The following FAM178B variants were observed in gnomAD, a reference collection of about 807,000 sequenced individuals.
FAM178B encodes the protein protein FAM178B.
Under a neutral mutation model 91.7 loss-of-function variants are expected in FAM178B, and 82 were observed. The observed-to-expected ratio is 0.89, with a 90% CI of 0.75 to 1.07. The LOEUF is 1.07. Ranked by LOEUF, FAM178B falls within the 50% of genes least tolerant of loss-of-function variation. The pLI is 0.00. For missense variants in FAM178B, 769 were observed against 846.7 expected (o/e 0.91, Z 1.14); for synonymous variants, 368 against 359.4 (o/e 1.02, Z -0.27).
At chr2:96,905,834 A>G (rs868845152) in intron 12 of FAM178B, among the ~76,000 whole-genome samples, 318 of 22,920 alleles carry the variant, frequency 0.014, 6 homozygotes, top group African/African-American at 0.021. Flanking sequence ...ATATATATAT[A>G]TATATATATA....
At chr2:96,947,720 A>G (rs1574288252) in intron 8 of FAM178B, 98 bp downstream of exon 8, 4 of 688,770 alleles carry the variant, frequency 5.8e-6, no homozygotes, top group South Asian at 1.7e-5. Flanking sequence ...ATGTCCCACC[A>G]GCATCTCGCC....
At chr2:96,984,130 C>T (rs2082395854) in intron 1 of FAM178B, among the ~76,000 whole-genome samples, 1 of 151,996 alleles carries the variant, frequency 6.6e-6, no homozygotes, top group Admixed American at 6.6e-5. Flanking sequence ...CCACCACACC[C>T]AGCTAATTTT....
At chr2:96,950,755 G>A (rs917643038) in intron 7 of FAM178B, among the ~76,000 whole-genome samples, 3 of 152,182 alleles carry the variant, frequency 2.0e-5, no homozygotes, top group Non-Finnish European at 2.9e-5. Flanking sequence ...ATGGCAAAAC[G>A]CTCTAGCAGC....
intron 13 of FAM178B, 139 bp downstream of exon 13, chr2:96,902,481 G>T: frequency 1.6e-6 from 1 of 639,700 alleles, no homozygotes; most frequent in Non-Finnish European, 2.9e-6. Context: ...GCATGCAAGC[G>T]GTAATTCTTG....
intron 6 of FAM178B, 127 bp from the exon 7 acceptor site, chr2:96,951,611 C>A: frequency 2.8e-6 from 2 of 711,012 alleles, no homozygotes; most frequent in South Asian, 1.6e-5. Context: ...ACGCTAGAGA[C>A]AAATGTGCTT....
At chr2:96,917,116 G>A (rs1168640557) in intron 12 of FAM178B, among the ~76,000 whole-genome samples, 1 of 152,176 alleles carries the variant, frequency 6.6e-6, no homozygotes, top group Non-Finnish European at 1.5e-5. Flanking sequence ...ACGTGCACAC[G>A]CAGACAGAGG....
intron 3 of FAM178B, among the ~76,000 whole-genome samples, 198 bp downstream of exon 3, chr2:96,971,703 G>A (rs533630804): frequency 1.3e-5 from 2 of 152,364 alleles, no homozygotes; most frequent in African/African-American, 2.4e-5. Context: ...GGAGACACAG[G>A]GCGAGGTGCA....
At chr2:96,971,396 C>G (rs1282943049) in intron 3 of FAM178B, among the ~76,000 whole-genome samples, 5 of 151,908 alleles carry the variant, frequency 3.3e-5, no homozygotes, top group African/African-American at 1.2e-4. Flanking sequence ...AGCTGAAACC[C>G]ATTCTTAGAA....
intron 7 of FAM178B, chr2:96,950,082 G>A (rs2081899094): frequency 1.0e-6 from 1 of 985,562 alleles, no homozygotes; most frequent in Non-Finnish European, 1.2e-6. Flanking sequence ...GTGCCTCCCA[G>A]GATGGGGGTC....
At chr2:96,910,413 A>G (rs2081132133) in intron 12 of FAM178B, among the ~76,000 whole-genome samples, 1 of 152,186 alleles carries the variant, frequency 6.6e-6, no homozygotes, top group African/African-American at 2.4e-5. Flanking sequence ...TCGACGACCA[A>G]TATTTGATTC....
At chr2:96,958,697 T>TAAAAAAAAAAAAAAAAAAAAAAAAAA (rs55924441) in intron 6 of FAM178B, among the ~76,000 whole-genome samples, 1 of 55,500 alleles carries the variant, frequency 1.8e-5, no homozygotes, top group Non-Finnish European at 3.0e-5. Context: ...CTCAAAATAC[T>TAAAAAAAAAAAAAAAAAAAAAAAAAA]AAAAAAAAAA....
At chr2:96,950,026 T>A in intron 7 of FAM178B, 1 of 985,766 alleles carries the variant, frequency 1.0e-6, no homozygotes, top group Non-Finnish European at 1.2e-6. Context: ...TCCAGCCCCC[T>A]CGCAGCATGA....
chr2:96,913,784 G>C (rs1259553625), intron 12 of FAM178B, among the ~76,000 whole-genome samples: 2 of 152,186 alleles, frequency 1.3e-5, no homozygotes, highest in African/African-American at 4.8e-5. Flanking sequence ...GAGCAGCAGG[G>C]TCCCTGGCCA....
intron 12 of FAM178B, among the ~76,000 whole-genome samples, chr2:96,919,823 T>C (rs1275866479): frequency 2.0e-5 from 3 of 152,324 alleles, no homozygotes; most frequent in African/African-American, 7.2e-5. Flanking sequence ...GCTGCCTCTC[T>C]GCCAGCCAGA....
intron 13 of FAM178B, chr2:96,895,187 T>C (rs2080797184): frequency 2.8e-6 from 3 of 1,072,150 alleles, no homozygotes; most frequent in South Asian, 1.4e-5. Context: ...GTTTTACCCA[T>C]AAAGAGCTTC....
At chr2:96,910,329 C>T (rs1223589393) in intron 12 of FAM178B, among the ~76,000 whole-genome samples, 1 of 152,166 alleles carries the variant, frequency 6.6e-6, no homozygotes, top group Non-Finnish European at 1.5e-5. Flanking sequence ...CGCCGTCCCA[C>T]CGGGGAGACG....
chr2:96,885,484 A>C (rs2080495120), intron 14 of FAM178B, among the ~76,000 whole-genome samples: 1 of 152,242 alleles, frequency 6.6e-6, no homozygotes, highest in Admixed American at 6.5e-5. Flanking sequence ...TACTGAGGAC[A>C]GGGAGGGAAT....
At chr2:96,887,292 CACCT>C (rs1475276293) in intron 14 of FAM178B, among the ~76,000 whole-genome samples, 2 of 152,186 alleles carry the variant, frequency 1.3e-5, no homozygotes, top group African/African-American at 4.8e-5. Flanking sequence ...GGTCTATGAA[CACCT>C]AGCTTCAGAT....
intron 10 of FAM178B, 59 bp downstream of exon 10, chr2:96,923,431 T>C: frequency 1.5e-6 from 2 of 1,310,066 alleles, no homozygotes; most frequent in Non-Finnish European, 2.2e-6. Flanking sequence ...ATTTAGCTGC[T>C]GAATGGGTCT....
Sources: gnomAD v4.1 joint callset for allele counts (sites outside exome capture counted in the v4.1 genomes callset) on GRCh38, gnomAD v4.1.1 for gene constraint, MANE v1.5 for transcripts, NCBI Gene and HGNC (gene_info 2026-07-23, HGNC 2026-07-21) for gene names.